C12orf42: variants seen among roughly 807,000 people sequenced by gnomAD.
C12orf42 encodes chromosome 12 open reading frame 42.
In C12orf42, 25 loss-of-function variants were observed where a neutral mutation model predicts 21.6. The ratio of observed to expected loss-of-function variants is 1.16; its 90% CI spans 0.84 to 1.62. The LOEUF is 1.62. Ranked by LOEUF, C12orf42 falls within the 40% of genes most tolerant of loss-of-function variation. The probability of loss-of-function intolerance (pLI) is 0.00; values close to 1 mark genes in which losing one functional copy is unlikely to be tolerated. For synonymous variants in C12orf42, 174 were observed against 175.0 expected (o/e 0.99, Z 0.05); for missense variants, 483 against 459.3 (o/e 1.05, Z -0.47).
At chr12:103,099,736 C>G in the C12orf42 span, among the ~76,000 whole-genome samples, 1 of 152,138 alleles carries the variant, frequency 6.6e-6, no homozygotes, top group African/African-American at 2.4e-5. Flanking sequence ...GTATTTCAAG[C>G]AAATAGGACC....
chr12:103,147,623 CT>C, the C12orf42 span, among the ~76,000 whole-genome samples: 478 of 99,262 alleles, frequency 4.8e-3, 6 homozygotes, highest in African/African-American at 0.014. Context: ...TTCTCTCTCT[CT>C]TTTTTTTTTT....
At chr12:103,421,203 G>C (rs142322844) in intron 2 of C12orf42, among the ~76,000 whole-genome samples, 254 of 152,236 alleles carry the variant, frequency 1.7e-3, no homozygotes, top group African/African-American at 6.0e-3. Context: ...AGAAAAAATA[G>C]AGAAGGGAAG....
chr12:103,330,879 C>T (rs2041184361), intron 4 of C12orf42, among the ~76,000 whole-genome samples: 1 of 152,122 alleles, frequency 6.6e-6, no homozygotes, highest in Admixed American at 6.6e-5. Flanking sequence ...ACAGCAAATA[C>T]CTGATAAGGC....
chr12:103,207,695 A>T, the C12orf42 span, among the ~76,000 whole-genome samples: 14 of 152,278 alleles, frequency 9.2e-5, no homozygotes, highest in East Asian at 2.5e-3. Flanking sequence ...TTGCCCCGAC[A>T]CCTGAAAATT....
chr12:103,494,485 A>ATTT, intron 1 of C12orf42, among the ~76,000 whole-genome samples: 2 of 151,646 alleles, frequency 1.3e-5, no homozygotes, highest in East Asian at 1.9e-4. Flanking sequence ...CTTTATTGGC[A>ATTT]TTTTTTTATC....
the C12orf42 span, among the ~76,000 whole-genome samples, chr12:103,533,504 A>T: frequency 6.6e-6 from 1 of 152,204 alleles, no homozygotes; most frequent in East Asian, 1.9e-4. Flanking sequence ...CTATGTAAAC[A>T]GTAAAACTGC....
At chr12:103,435,354 C>G (rs1950610323) in intron 2 of C12orf42, among the ~76,000 whole-genome samples, 1 of 152,234 alleles carries the variant, frequency 6.6e-6, no homozygotes, top group Non-Finnish European at 1.5e-5. Flanking sequence ...CTCTCCTCCT[C>G]CAAAGGAACG....
At chr12:103,344,147 C>T (rs996066595) in intron 4 of C12orf42, among the ~76,000 whole-genome samples, 1 of 152,152 alleles carries the variant, frequency 6.6e-6, no homozygotes, top group African/African-American at 2.4e-5. Flanking sequence ...GTCATTTTAG[C>T]TGTTTTCATT....
intron 10 of C12orf42, among the ~76,000 whole-genome samples, chr12:103,242,159 G>C (rs2033780007): frequency 6.6e-6 from 1 of 152,082 alleles, no homozygotes; most frequent in African/African-American, 2.4e-5. Flanking sequence ...TTGTCTAAGA[G>C]AGCCTAGAAA....
chr12:103,394,934 C>T (rs2047389204), intron 3 of C12orf42, among the ~76,000 whole-genome samples: 1 of 152,190 alleles, frequency 6.6e-6, no homozygotes, highest in African/African-American at 2.4e-5. Flanking sequence ...CAACTAAACA[C>T]AGCAATAGAA....
At chr12:103,488,196 A>G (rs1488232018) in intron 1 of C12orf42, among the ~76,000 whole-genome samples, 1 of 152,146 alleles carries the variant, frequency 6.6e-6, no homozygotes, top group Non-Finnish European at 1.5e-5. Flanking sequence ...AAAGGATTTT[A>G]TTTCTCCTGC....
chr12:103,529,969 G>GT, the C12orf42 span, among the ~76,000 whole-genome samples: 198 of 152,234 alleles, frequency 1.3e-3, no homozygotes, highest in African/African-American at 4.4e-3. Flanking sequence ...GCTTAGGAGT[G>GT]TATTTCTTAA....
intron 1 of C12orf42, among the ~76,000 whole-genome samples, chr12:103,491,952 GT>G (rs34412956): frequency 1.1e-4 from 8 of 71,496 alleles, no homozygotes; most frequent in East Asian, 4.7e-4. Flanking sequence ...TTTCAATTTT[GT>G]TTTTTTTTTG....
chr12:103,357,546 C>G (rs117067229), intron 4 of C12orf42, among the ~76,000 whole-genome samples: 1 of 151,936 alleles, frequency 6.6e-6, no homozygotes, highest in Non-Finnish European at 1.5e-5. Context: ...TTTGGGACTC[C>G]GAAAACTCCT....
the C12orf42 span, among the ~76,000 whole-genome samples, chr12:103,189,120 T>C: frequency 3.3e-5 from 5 of 152,132 alleles, no homozygotes; most frequent in Non-Finnish European, 5.9e-5. Context: ...AAAGAAAAAT[T>C]AAAAACATGA....
chr12:103,102,715 A>G, the C12orf42 span, among the ~76,000 whole-genome samples: 3 of 152,318 alleles, frequency 2.0e-5, no homozygotes, highest in East Asian at 5.8e-4. Context: ...AGCTTAAAAC[A>G]ACTCCTATTT....
Position 103,277,454 on chromosome 12 carries a change from G to A in C12orf42, n.338-244C>T, listed in dbSNP as rs114802319. On this transcript the variant is annotated intron_variant and non_coding_transcript_variant, in intron 4 of 6. Coordinates refer to the C12orf42 transcript ENST00000546526. Reference sequence around the variant, plus strand: ...CATTTAGCTTCTGGAAAATGAGAATGAAAAGGTAAATAATTTCTTAATGTA... The same window carrying A: ...CATTTAGCTTCTGGAAAATGAGAATAAAAAGGTAAATAATTTCTTAATGTA... Among the ~76,000 whole-genome samples the A allele has an allele frequency of 5.3e-3, 812 of 152,188 alleles. 9 individuals carry two copies. Among genetic ancestry groups the A allele is most frequent in the African/African-American group, 0.018 (768 of 41,540 alleles).
the C12orf42 span, among the ~76,000 whole-genome samples, chr12:103,215,381 A>G: frequency 6.6e-6 from 1 of 152,028 alleles, no homozygotes; most frequent in Non-Finnish European, 1.5e-5. Flanking sequence ...TGGTGCTAAT[A>G]AAATATTTCT....
At chr12:103,474,456 G>GTGTA (rs546042547) in intron 2 of C12orf42, among the ~76,000 whole-genome samples, 51 of 144,414 alleles carry the variant, frequency 3.5e-4, no homozygotes, top group African/African-American at 9.8e-4. Context: ...ATGTATGTAT[G>GTGTA]TGTGTGTGTG....
Sources: gnomAD v4.1 joint callset for allele counts (sites outside exome capture counted in the v4.1 genomes callset) on GRCh38, gnomAD v4.1.1 for gene constraint, MANE v1.5 for transcripts, NCBI Gene and HGNC (gene_info 2026-07-23, HGNC 2026-07-21) for gene names.